Variants in BTBD7 observed in about 807,000 individuals in gnomAD.
BTBD7 encodes BTB/POZ domain-containing protein 7.
BTBD7 carries 38 observed loss-of-function variants against 99.9 expected under a neutral mutation model. That is an observed-to-expected ratio of 0.38 (90% CI 0.29 to 0.50). The LOEUF is 0.50. Ranked by LOEUF, BTBD7 falls within the 20% of genes least tolerant of loss-of-function variation. The pLI, the probability that BTBD7 is intolerant of heterozygous loss-of-function variation, is 0.93. For synonymous variants in BTBD7, 520 were observed against 511.4 expected, an observed-to-expected ratio of 1.02 and a Z score of -0.23; for missense variants, 1,170 against 1,394.6, an observed-to-expected ratio of 0.84 and a Z score of 2.57.
chr14:93,257,469 G>T, intron 5 of BTBD7, 114 bp from the exon 6 acceptor site: 3 of 877,324 alleles, frequency 3.4e-6, no homozygotes, highest in Non-Finnish European at 3.3e-6. Flanking sequence ...ATGTGCCTCT[G>T]CTTTAAAAAG....
chr14:93,273,717 T>C (rs1180846187), intron 3 of BTBD7, among the ~76,000 whole-genome samples: 1 of 152,172 alleles, frequency 6.6e-6, no homozygotes, highest in East Asian at 1.9e-4. Flanking sequence ...CCTGAAAAGA[T>C]AATGCTTGTT....
intron 3 of BTBD7, 78 bp downstream of exon 3, chr14:93,293,780 A>T (rs2052886315): frequency 2.7e-6 from 4 of 1,503,320 alleles, no homozygotes; most frequent in Non-Finnish European, 1.8e-6. Context: ...GAAATCATAG[A>T]ATATACTGGT....
intron 1 of BTBD7, among the ~76,000 whole-genome samples, chr14:93,317,081 T>C (rs556721966): frequency 4.1e-4 from 62 of 152,254 alleles, no homozygotes; most frequent in Non-Finnish European, 7.6e-4. Flanking sequence ...TCTCAGCTCA[T>C]TGCAACCTTT....
intron 1 of BTBD7, among the ~76,000 whole-genome samples, chr14:93,318,086 T>C (rs1484322144): frequency 6.6e-6 from 1 of 152,228 alleles, no homozygotes; most frequent in Admixed American, 6.5e-5. Flanking sequence ...TCATACTATA[T>C]GTTGAGTTCT....
intron 10 of BTBD7, among the ~76,000 whole-genome samples, chr14:93,244,853 A>ATTT (rs2052285151): frequency 7.6e-6 from 1 of 132,200 alleles, no homozygotes; most frequent in African/African-American, 3.0e-5. Flanking sequence ...AATCTTACAA[A>ATTT]TCTTTTTTTT....
At chr14:93,303,249 T>G (rs1487017949) in intron 1 of BTBD7, among the ~76,000 whole-genome samples, 1 of 152,162 alleles carries the variant, frequency 6.6e-6, no homozygotes, top group Non-Finnish European at 1.5e-5. Context: ...CTGGCTTTAT[T>G]TCTAAAATGG....
chr14:93,260,773 G>A (rs182400166), intron 5 of BTBD7, among the ~76,000 whole-genome samples: 1 of 151,806 alleles, frequency 6.6e-6, no homozygotes, highest in Admixed American at 6.6e-5. Context: ...GGCTGGTCTC[G>A]AACTTCCAAC....
chr14:93,267,582 G>A (rs922136529), intron 3 of BTBD7, among the ~76,000 whole-genome samples: 3 of 152,200 alleles, frequency 2.0e-5, no homozygotes, highest in Admixed American at 6.5e-5. Context: ...CTCCAAGCCT[G>A]AGCTGACTCC....
At position 93,303,497 on chromosome 14, in the gene BTBD7, C is replaced by T. The variant is rs550086971; in HGVS notation, c.-106-7340G>A. Among the ~76,000 whole-genome samples, 5 of 151,902 alleles carry T rather than the reference C, an allele frequency of 3.3e-5. No homozygotes were observed. In the East Asian group the frequency reaches 9.7e-4, roughly 29 times the overall value. ...ATAATATGGACTGCCACTCGGAAAG[C>T]AGAAACAGGAGCCTATCAAAAGAGA... On this transcript the variant is annotated intron_variant, in intron 1 of 10. Coordinates refer to ENST00000334746, the MANE Select transcript of BTBD7 (RefSeq NM_001002860.4).
intron 1 of BTBD7, among the ~76,000 whole-genome samples, chr14:93,328,943 G>A (rs892151357): frequency 6.6e-6 from 1 of 152,022 alleles, no homozygotes; most frequent in African/African-American, 2.4e-5. Flanking sequence ...AAAACATAGG[G>A]GAAAAGCTTC....
Position 93,333,020 on chromosome 14 carries a change from A to G in BTBD7, c.-307T>C, listed in dbSNP as rs1289889762. ...CCAGGTTCCCCTCGCCGCCATTTTG[A>G]CTCCTAGACGGAGCAGGAGGGGCTC... On this transcript the variant is annotated 5_prime_UTR_variant, in exon 1 of 11. Transcript: ENST00000334746. 2 of 514,294 alleles carry G rather than the reference A, an allele frequency of 3.9e-6. No homozygotes were observed. The highest frequency in any genetic ancestry group is 6.6e-6 in the Non-Finnish European group (2 of 301,124). The allele number at this position is 514,294 out of a possible 1,614,324, so 31.9% of individuals were successfully genotyped here. A position where few individuals can be genotyped will look rare whatever the true frequency, so the allele number is the denominator to read the frequency against.
In BTBD7 at chr14:93,326,654, C is replaced by T. The variant is rs548957362; in HGVS notation, c.-107+6166G>A. Among the ~76,000 whole-genome samples, 16 of 151,976 alleles carry T rather than the reference C, an allele frequency of 1.1e-4. No individual in the cohort carries two copies. In the East Asian group the frequency reaches 2.9e-3, roughly 28 times the overall value. ...CTGTCTCTACTAAAAATACAAAAAT[C>T]AGCCAGGTGTGGTGGCGCGTACCTA... On this transcript the variant is annotated intron_variant, in intron 1 of 10. Transcript: ENST00000334746.
chr14:93,285,869 G>A (rs1566849215), intron 3 of BTBD7, among the ~76,000 whole-genome samples: 1 of 152,114 alleles, frequency 6.6e-6, no homozygotes. Flanking sequence ...AAGTCTAGTT[G>A]GCTTAAAGAG....
At chr14:93,323,416 T>C (rs2053292052) in intron 1 of BTBD7, among the ~76,000 whole-genome samples, 1 of 152,198 alleles carries the variant, frequency 6.6e-6, no homozygotes, top group African/African-American at 2.4e-5. Context: ...GACTCTGCAA[T>C]TGAGGCTATG....
At position 93,296,197 on chromosome 14, in the gene BTBD7, G is replaced by T. The variant is rs535804590; in HGVS notation, c.-106-40C>A. 113 of 1,259,264 alleles carry T rather than the reference G, an allele frequency of 9.0e-5. No individual in the cohort carries two copies. In the African/African-American group the frequency reaches 1.5e-3, roughly 16 times the overall value. The allele number at this position is 1,259,264 out of a possible 1,614,324, so 78.0% of individuals were successfully genotyped here. A position where few individuals can be genotyped will look rare whatever the true frequency, so the allele number is the denominator to read the frequency against. Reference sequence around the variant, plus strand: ...AAAATAATTTAATTCATTTTTTCAAGTGTATCTCAGATCACAGTTTTTTTT... The same window carrying T: ...AAAATAATTTAATTCATTTTTTCAATTGTATCTCAGATCACAGTTTTTTTT... On this transcript the variant is annotated intron_variant, in intron 1 of 10. Coordinates refer to ENST00000334746, the MANE Select transcript of BTBD7 (RefSeq NM_001002860.4).
At chr14:93,279,894 A>G (rs180858574) in intron 3 of BTBD7, among the ~76,000 whole-genome samples, 3 of 152,310 alleles carry the variant, frequency 2.0e-5, no homozygotes, top group Admixed American at 6.5e-5. Context: ...TTGATAGGCT[A>G]TATCTTTTTT....
At chr14:93,270,196 A>G (rs1032691278) in intron 3 of BTBD7, among the ~76,000 whole-genome samples, 6 of 152,130 alleles carry the variant, frequency 3.9e-5, no homozygotes, top group African/African-American at 1.4e-4. Flanking sequence ...TCCGGGTTCA[A>G]GCAATTCTAC....
chr14:93,267,158 T>C (rs1306728986), intron 3 of BTBD7, among the ~76,000 whole-genome samples: 1 of 152,128 alleles, frequency 6.6e-6, no homozygotes, highest in African/African-American at 2.4e-5. Context: ...ACAATCCTAC[T>C]AAACCAGGAT....
At chr14:93,306,250 T>A (rs1311606036) in intron 1 of BTBD7, among the ~76,000 whole-genome samples, 1 of 151,956 alleles carries the variant, frequency 6.6e-6, no homozygotes, top group Non-Finnish European at 1.5e-5. Flanking sequence ...AAGAAGCATA[T>A]AGGAGAAGCA....
Sources: gnomAD v4.1 joint callset for allele counts (sites outside exome capture counted in the v4.1 genomes callset) on GRCh38, gnomAD v4.1.1 for gene constraint, MANE v1.5 for transcripts, NCBI Gene and HGNC (gene_info 2026-07-23, HGNC 2026-07-21) for gene names.